The following RSPO2 variants were observed in gnomAD, a reference collection of about 807,000 sequenced individuals.
RSPO2 encodes R-spondin 2, also known as R-spondin-2.
In RSPO2, 14 loss-of-function variants were observed where a neutral mutation model predicts 30.9. The ratio of observed to expected loss-of-function variants is 0.45; its 90% confidence interval spans 0.30 to 0.71. RSPO2 has a LOEUF of 0.71. Ranked by LOEUF, RSPO2 falls within the 30% of genes least tolerant of loss-of-function variation. The pLI is 0.08. For missense variants in RSPO2, 264 were observed against 301.9 expected, an observed-to-expected ratio of 0.87 and a Z score of 0.93; for synonymous variants, 107 against 96.4, an observed-to-expected ratio of 1.11 and a Z score of -0.64.
rs577254794 is a variant in RSPO2 at position 107,939,141 on chromosome 8, G to A, written c.616+18939C>T. ...ATAATTCTTGCTTGTTATTAACTCC[G>A]GCCAAGTCTAAACAAACATTTTTTT... On this transcript the variant is annotated intron_variant, in intron 5 of 5. Transcript: ENST00000276659. Among the ~76,000 whole-genome samples the A allele has an allele frequency of 5.9e-5, 9 of 152,052 alleles. No homozygotes were observed. In the South Asian group the frequency reaches 1.0e-3, roughly 18 times the overall value.
intron 2 of RSPO2, among the ~76,000 whole-genome samples, chr8:108,001,561 G>C (rs749976760): frequency 2.0e-5 from 3 of 152,158 alleles, no homozygotes; most frequent in Non-Finnish European, 4.4e-5. Context: ...GGGAAAATAT[G>C]CTACCAGAAT....
At position 108,034,377 on chromosome 8, in the gene RSPO2, G is replaced by T. The variant is rs188979851; in HGVS notation, c.95-45133C>A. Among the ~76,000 whole-genome samples, 900 of 152,242 alleles carry T rather than the reference G, an allele frequency of 5.9e-3. 5 individuals are homozygous for T. Among genetic ancestry groups the T allele is most frequent in the Non-Finnish European group, 9.7e-3 (661 of 68,016 alleles). On this transcript the variant is annotated intron_variant, in intron 2 of 5. Transcript: ENST00000276659. ...ACGGTGGGTATTCAGTGACCCTGAG[G>T]AATTACTGTTAATTTTTATAGTAAG...
intron 2 of RSPO2, among the ~76,000 whole-genome samples, chr8:108,073,791 T>G (rs1812927256): frequency 6.6e-6 from 1 of 152,220 alleles, no homozygotes; most frequent in African/African-American, 2.4e-5. Flanking sequence ...CTGAAATAAA[T>G]CTTGAGACAG....
intron 5 of RSPO2, among the ~76,000 whole-genome samples, chr8:107,911,028 A>G (rs1010779696): frequency 6.6e-6 from 1 of 152,222 alleles, no homozygotes; most frequent in Non-Finnish European, 1.5e-5. Context: ...TAAGGGCTAC[A>G]TCTAAACACT....
chr8:108,055,671 T>G (rs1812221556), intron 2 of RSPO2, among the ~76,000 whole-genome samples: 1 of 152,194 alleles, frequency 6.6e-6, no homozygotes, highest in Admixed American at 6.5e-5. Flanking sequence ...ATATTAATGT[T>G]ATTTGGAGCC....
intron 2 of RSPO2, among the ~76,000 whole-genome samples, chr8:108,062,301 A>G (rs930011183): frequency 7.2e-5 from 11 of 151,890 alleles, no homozygotes; most frequent in African/African-American, 2.7e-4. Context: ...AAGACTAACA[A>G]AGAAGAAAAG....
At chr8:107,953,345 C>A (rs753026424) in intron 5 of RSPO2, among the ~76,000 whole-genome samples, 61 of 152,112 alleles carry the variant, frequency 4.0e-4, no homozygotes, top group Non-Finnish European at 6.6e-4. Flanking sequence ...CCCCCACTAC[C>A]AACCAAGGAC....
Position 107,900,970 on chromosome 8 carries a change from G to A in RSPO2, c.*105C>T, listed in dbSNP as rs1811440103. 2 of 1,210,098 alleles carry A rather than the reference G, an allele frequency of 1.7e-6. No individual in the cohort carries two copies. The highest frequency in any genetic ancestry group is 4.7e-5 in the East Asian group (2 of 42,230). 75.0% of individuals were successfully genotyped at this position (1,210,098 alleles called of 1,614,324 possible). On this transcript the variant is annotated 3_prime_UTR_variant, in exon 6 of 6. Transcript: ENST00000276659. ...CACCATGTTACTGGGAACAGATACTGGGCAGAGCAGCACAAAGGCTGCACA... is the reference window on the plus strand; with the variant it reads ...CACCATGTTACTGGGAACAGATACTAGGCAGAGCAGCACAAAGGCTGCACA...
intron 2 of RSPO2, among the ~76,000 whole-genome samples, chr8:108,072,411 C>T (rs189235957): frequency 8.8e-5 from 13 of 147,748 alleles, no homozygotes; most frequent in African/African-American, 2.3e-4. Context: ...CTGCAAACTC[C>T]GCCTCCCGGG....
chr8:107,996,658 T>C (rs1355055505), intron 2 of RSPO2, among the ~76,000 whole-genome samples: 2 of 152,160 alleles, frequency 1.3e-5, no homozygotes, highest in African/African-American at 4.8e-5. Context: ...CAAAGCTCTT[T>C]ATCACCATAA....
At chr8:108,033,850 A>G (rs1053209590) in intron 2 of RSPO2, among the ~76,000 whole-genome samples, 1 of 152,214 alleles carries the variant, frequency 6.6e-6, no homozygotes, top group Non-Finnish European at 1.5e-5. Flanking sequence ...CAAGTTGTAC[A>G]TTCTTTGTGC....
intron 3 of RSPO2, among the ~76,000 whole-genome samples, chr8:107,987,699 A>C (rs1814694311): frequency 6.6e-6 from 1 of 152,146 alleles, no homozygotes; most frequent in Admixed American, 6.5e-5. Flanking sequence ...TGTTCCCCAA[A>C]TACATTATTT....
intron 4 of RSPO2, among the ~76,000 whole-genome samples, chr8:107,959,161 G>T (rs1813539184): frequency 6.6e-6 from 1 of 152,210 alleles, no homozygotes; most frequent in South Asian, 2.1e-4. Flanking sequence ...TGGTGAAAAA[G>T]ATGGGGAGCT....
At chr8:107,926,113 G>A (rs1812361226) in intron 5 of RSPO2, among the ~76,000 whole-genome samples, 1 of 152,122 alleles carries the variant, frequency 6.6e-6, no homozygotes, top group Non-Finnish European at 1.5e-5. Context: ...GGTGTGAGAT[G>A]GTATCTCATT....
At chr8:108,068,058 G>A (rs1803347652) in intron 2 of RSPO2, among the ~76,000 whole-genome samples, 1 of 151,912 alleles carries the variant, frequency 6.6e-6, no homozygotes, top group Non-Finnish European at 1.5e-5. Flanking sequence ...GACAGAGTGA[G>A]ACTCCGTCTC....
chr8:108,027,758 T>C (rs1056677443), intron 2 of RSPO2, among the ~76,000 whole-genome samples: 6 of 152,302 alleles, frequency 3.9e-5, no homozygotes, highest in Non-Finnish European at 7.4e-5. Context: ...AAAATACATC[T>C]CAATATTTTA....
At chr8:108,073,039 T>G (rs971917944) in intron 2 of RSPO2, 1 of 152,354 alleles carries the variant, frequency 6.6e-6, no homozygotes, top group East Asian at 1.9e-4. Context: ...GCATGTTAAT[T>G]AAATCTGTAG....
At chr8:108,044,719 C>A (rs551492874) in intron 2 of RSPO2, among the ~76,000 whole-genome samples, 1 of 151,918 alleles carries the variant, frequency 6.6e-6, no homozygotes, top group African/African-American at 2.4e-5. Flanking sequence ...TGGGTATATA[C>A]GTGGTAATGA....
chr8:108,054,524 C>T (rs1467840671), intron 2 of RSPO2, among the ~76,000 whole-genome samples: 4 of 152,172 alleles, frequency 2.6e-5, no homozygotes, highest in Non-Finnish European at 5.9e-5. Context: ...ACAGCCACCC[C>T]TAACTCCACG....
Sources: allele counts gnomAD v4.1 joint callset (sites outside exome capture counted in the v4.1 genomes callset), GRCh38; gene constraint gnomAD v4.1.1; transcripts MANE v1.5; gene names NCBI Gene and HGNC (gene_info 2026-07-23, HGNC 2026-07-21).